The following ATG16L2 variants were observed in gnomAD, a reference collection of about 807,000 sequenced individuals.
ATG16L2 encodes autophagy related 16 like 2.
Under a neutral mutation model 84.7 loss-of-function variants are expected in ATG16L2, and 77 were observed. That is an observed-to-expected ratio of 0.91 (90% confidence interval 0.76 to 1.10). The LOEUF (loss-of-function observed/expected upper bound fraction) is 1.10. ATG16L2 is among the 50% of genes least tolerant of loss of function. The pLI is 0.00. For missense variants in ATG16L2, 782 were observed against 817.6 expected, an observed-to-expected ratio of 0.96 and a Z score of 0.53; for synonymous variants, 361 against 342.8, an observed-to-expected ratio of 1.05 and a Z score of -0.59.
chr11:72,817,021 G>T (rs1200392665), intron 2 of ATG16L2, among the ~76,000 whole-genome samples, 194 bp downstream of exon 2: 1 of 152,158 alleles, frequency 6.6e-6, no homozygotes, highest in Non-Finnish European at 1.5e-5. Flanking sequence ...CAGCTGTTTA[G>T]AATCTCTTTC....
chr11:72,820,794 G>A (rs868053195), intron 3 of ATG16L2, among the ~76,000 whole-genome samples: 2 of 152,084 alleles, frequency 1.3e-5, no homozygotes, highest in Admixed American at 6.5e-5. Flanking sequence ...ACACTGGTGG[G>A]AGCTGCCTTG....
In ATG16L2 at chr11:72,824,761, TGGG is replaced by T. The variant is rs749543752; in HGVS notation, c.918_920del (p.Gly307del). ...TTAAGAAGAGGAGAGGTCACTCAAT[TGGG>T]GGAGCCCCTGAGCAGCGATACCAGA... On this transcript the variant is annotated inframe_deletion, in exon 9 of 18. Coordinates refer to ENST00000321297, the MANE Select transcript of ATG16L2 (RefSeq NM_033388.2). 2 of 1,613,692 alleles carry T rather than the reference TGGG, an allele frequency of 1.2e-6. No individual in the cohort carries two copies. Among genetic ancestry groups the T allele is most frequent in the South Asian group, 2.2e-5 (2 of 91,052 alleles).
intron 10 of ATG16L2, 76 bp from the exon 11 acceptor site, chr11:72,826,097 C>A: frequency 8.0e-7 from 1 of 1,250,908 alleles, no homozygotes; most frequent in Non-Finnish European, 1.1e-6. Context: ...AACTGATCTT[C>A]CGCTCTCAAT....
chr11:72,816,521 G>A (rs913671672), intron 1 of ATG16L2, among the ~76,000 whole-genome samples: 2 of 152,168 alleles, frequency 1.3e-5, no homozygotes, highest in East Asian at 1.9e-4. Flanking sequence ...CCTGGGGACC[G>A]GTGCTATGAG....
downstream of ATG16L2, among the ~76,000 whole-genome samples, chr11:72,832,268 C>T (rs1465062101): frequency 3.3e-5 from 5 of 152,196 alleles, no homozygotes; most frequent in Non-Finnish European, 5.9e-5. Context: ...AAAACCTTCC[C>T]TTCTACTTTA....
chr11:72,822,310 C>T lies in ATG16L2; in HGVS notation c.644+15C>T. 1 of 1,519,302 alleles carries T rather than the reference C, an allele frequency of 6.6e-7. No individual in the cohort carries two copies. The highest frequency in any genetic ancestry group is 2.5e-5 in the East Asian group (1 of 40,302). The allele number at this position is 1,519,302 out of a possible 1,614,324, so 94.1% of individuals were successfully genotyped here. On this transcript the variant is annotated intron_variant, in intron 5 of 17. Transcript: ENST00000321297. This position sits in a 1 kb window ranked among gnomAD's most constrained non-coding sequence, Gnocchi z 4.2. ...CGCCGGGAGCGGTGAGGGAGCAGGC[C>T]CCGCCCCTCCTGAGGAAAGGCCCCG...
chr11:72,825,640 G>A (rs917776464), intron 10 of ATG16L2, among the ~76,000 whole-genome samples: 1 of 152,182 alleles, frequency 6.6e-6, no homozygotes, highest in Non-Finnish European at 1.5e-5. Flanking sequence ...GGAGGGCTGA[G>A]TTCAGATGGT....
At chr11:72,835,398 A>G (rs538769652) in intron 5 of ATG16L2, among the ~76,000 whole-genome samples, 1 of 151,218 alleles carries the variant, frequency 6.6e-6, no homozygotes, top group Non-Finnish European at 1.5e-5. Context: ...GTGGTGAGAA[A>G]AGGCAGGAGA....
intron 17 of ATG16L2, 89 bp downstream of exon 17, chr11:72,829,073 C>A: frequency 7.4e-7 from 1 of 1,356,300 alleles, no homozygotes; most frequent in Non-Finnish European, 1.0e-6. Flanking sequence ...CTGGAGTCCC[C>A]AGCCCTTGTC....
intron 8 of ATG16L2, 126 bp downstream of exon 8, chr11:72,824,248 T>C: frequency 2.4e-6 from 3 of 1,230,728 alleles, no homozygotes; most frequent in Non-Finnish European, 3.5e-6. Flanking sequence ...GTGAGTCTGT[T>C]GGGCCTTGGA....
intron 5 of ATG16L2, among the ~76,000 whole-genome samples, chr11:72,839,968 G>T (rs1860860562): frequency 6.6e-6 from 1 of 152,164 alleles, no homozygotes; most frequent in African/African-American, 2.4e-5. Flanking sequence ...AGAAAGGTAG[G>T]ACCAGAGAGG....
intron 2 of ATG16L2, 31 bp from the exon 3 acceptor site, chr11:72,817,725 G>A (rs1565259748): frequency 1.2e-6 from 2 of 1,609,228 alleles, no homozygotes; most frequent in Non-Finnish European, 1.7e-6. Context: ...TGAACCGGGG[G>A]ACATTGAGCA....
At chr11:72,818,021 A>G (rs778394806) in intron 3 of ATG16L2, 166 bp downstream of exon 3, 4 of 656,326 alleles carry the variant, frequency 6.1e-6, no homozygotes, top group Non-Finnish European at 5.1e-6. Context: ...CAGGGGTCAG[A>G]GTGCCCTGGG....
downstream of ATG16L2, among the ~76,000 whole-genome samples, chr11:72,833,832 A>G (rs1383816057): frequency 1.3e-5 from 2 of 152,012 alleles, no homozygotes. Context: ...CTGAGGCAGG[A>G]GAATCGCTTG....
intron 5 of ATG16L2, among the ~76,000 whole-genome samples, chr11:72,839,126 T>G (rs1860825081): frequency 6.6e-6 from 1 of 152,190 alleles, no homozygotes; most frequent in African/African-American, 2.4e-5. Context: ...GTCCTATGAC[T>G]AAGATCCTAG....
chr11:72,831,988 G>T (rs1860617037), downstream of ATG16L2, among the ~76,000 whole-genome samples: 1 of 152,216 alleles, frequency 6.6e-6, no homozygotes, highest in African/African-American at 2.4e-5. Flanking sequence ...GGGTAGAGGT[G>T]TGATGCTAGC....
At chr11:72,841,504 C>A in intron 5 of ATG16L2, 1 of 1,611,134 alleles carries the variant, frequency 6.2e-7, no homozygotes, top group Non-Finnish European at 8.5e-7. Context: ...CTTATCTGGG[C>A]TGGGGTAGGG....
intron 5 of ATG16L2, chr11:72,837,832 T>C (rs1860779819): frequency 6.6e-6 from 1 of 152,254 alleles, no homozygotes; most frequent in African/African-American, 2.4e-5. Context: ...AGCCTGGCTG[T>C]CTGGGCCGGT....
chr11:72,817,036 C>A (rs1468265826), intron 2 of ATG16L2, among the ~76,000 whole-genome samples: 42 of 152,308 alleles, frequency 2.8e-4, no homozygotes, highest in Non-Finnish European at 7.4e-5. Flanking sequence ...TCTTTCCCCT[C>A]CACCTTTCTT....
Sources: allele counts gnomAD v4.1 joint callset (sites outside exome capture counted in the v4.1 genomes callset), GRCh38; gene constraint gnomAD v4.1.1; non-coding constraint Gnocchi (gnomAD v3.1); transcripts MANE v1.5; gene names NCBI Gene and HGNC (gene_info 2026-07-23, HGNC 2026-07-21).